Variants in CSRNP3 observed in about 807,000 individuals in gnomAD.
The protein encoded by CSRNP3 is cysteine and serine rich nuclear protein 3, also known as cysteine/serine-rich nuclear protein 3.
CSRNP3 carries 12 observed loss-of-function variants against 48.0 expected under a neutral mutation model. That is an observed-to-expected ratio of 0.25 (90% CI 0.16 to 0.41). CSRNP3 has a LOEUF of 0.41. Ranked by LOEUF, CSRNP3 falls within the 10% of genes least tolerant of loss-of-function variation. CSRNP3 has a pLI of 1.00. For missense variants in CSRNP3, 580 were observed against 724.4 expected (o/e 0.80, Z 2.29); for synonymous variants, 263 against 269.7 (o/e 0.98, Z 0.24).
intron 4 of CSRNP3, among the ~76,000 whole-genome samples, chr2:165,620,380 A>G (rs987258894): frequency 3.9e-5 from 6 of 152,212 alleles, no homozygotes; most frequent in Non-Finnish European, 4.4e-5. Context: ...ACTTAATTAC[A>G]GGTCCAAAGT....
intron 5 of CSRNP3, among the ~76,000 whole-genome samples, chr2:165,674,703 T>C (rs1450806669): frequency 2.1e-5 from 3 of 142,812 alleles, no homozygotes; most frequent in Non-Finnish European, 3.0e-5. Flanking sequence ...TATATATATA[T>C]ATATATATAT....
chr2:165,551,736 A>T (rs974019850), intron 3 of CSRNP3, among the ~76,000 whole-genome samples: 1 of 152,226 alleles, frequency 6.6e-6, no homozygotes, highest in African/African-American at 2.4e-5. Context: ...ATACCGTGAA[A>T]CCTTGGATTA....
At chr2:165,652,287 G>A (rs927908213) in intron 4 of CSRNP3, among the ~76,000 whole-genome samples, 10 of 151,826 alleles carry the variant, frequency 6.6e-5, no homozygotes, top group South Asian at 4.1e-4. Context: ...TGAGGCAGGC[G>A]GATCATGCGG....
chr2:165,607,474 C>T (rs1686050973), intron 4 of CSRNP3, among the ~76,000 whole-genome samples: 1 of 152,128 alleles, frequency 6.6e-6, no homozygotes, highest in African/African-American at 2.4e-5. Context: ...CCCATATCTT[C>T]CCCAGGTGTT....
intron 3 of CSRNP3, among the ~76,000 whole-genome samples, chr2:165,591,890 G>A (rs1558943397): frequency 6.6e-6 from 1 of 152,200 alleles, no homozygotes; most frequent in Non-Finnish European, 1.5e-5. Flanking sequence ...TGGGGTTGGA[G>A]CCCCCACACA....
intron 2 of CSRNP3, among the ~76,000 whole-genome samples, chr2:165,512,846 T>C (rs1574813392): frequency 6.6e-6 from 1 of 152,254 alleles, no homozygotes; most frequent in Non-Finnish European, 1.5e-5. Flanking sequence ...GGCTCACGCC[T>C]GTAATCCCTG....
chr2:165,524,436 A>G (rs1558924736), intron 3 of CSRNP3, among the ~76,000 whole-genome samples: 1 of 152,240 alleles, frequency 6.6e-6, no homozygotes, highest in Non-Finnish European at 1.5e-5. Flanking sequence ...TATTTAAGCA[A>G]TGCAAGAAAG....
chr2:165,582,382 G>C (rs1574847931), intron 3 of CSRNP3, among the ~76,000 whole-genome samples: 1 of 152,172 alleles, frequency 6.6e-6, no homozygotes, highest in African/African-American at 2.4e-5. Flanking sequence ...CCTTAACCTA[G>C]AACCATTCCT....
In CSRNP3 at chr2:165,585,212, G is replaced by GTT. The variant is rs35019068; in HGVS notation, c.-23-9817_-23-9816dup. ...TTATAAAAGTATCATAGCATAATGT[G>GTT]TTTTTTTTTTTTTTTAACTGAGTTC... On this transcript the variant is annotated intron_variant, in intron 3 of 6. Transcript: ENST00000651982. Among the ~76,000 whole-genome samples the GTT allele has an allele frequency of 9.4e-4, 135 of 143,206 alleles. No homozygotes were observed. In the East Asian group the frequency reaches 0.015, roughly 16 times the overall value. The allele number at this position is 143,206 out of a possible 152,430, so 93.9% of individuals were successfully genotyped here. A position where few individuals can be genotyped will look rare whatever the true frequency, so the allele number is the denominator to read the frequency against.
intron 4 of CSRNP3, among the ~76,000 whole-genome samples, chr2:165,600,844 A>C (rs969382103): frequency 6.6e-6 from 1 of 152,210 alleles, no homozygotes; most frequent in Non-Finnish European, 1.5e-5. Context: ...GTGTTTTATA[A>C]GCACTAACAT....
intron 3 of CSRNP3, among the ~76,000 whole-genome samples, chr2:165,529,896 G>A (rs1180445483): frequency 6.6e-6 from 1 of 152,156 alleles, no homozygotes; most frequent in Admixed American, 6.5e-5. Flanking sequence ...AAATTATCTT[G>A]CCTACTAAAC....
chr2:165,609,461 A>AAAAT (rs1686095810), intron 4 of CSRNP3, among the ~76,000 whole-genome samples: 1 of 89,830 alleles, frequency 1.1e-5, no homozygotes, highest in Non-Finnish European at 2.5e-5. Flanking sequence ...TCCGTCTAAA[A>AAAAT]AAAGAAAAAA....
chr2:165,652,356 A>C (rs374064345), intron 4 of CSRNP3, among the ~76,000 whole-genome samples: 1 of 151,508 alleles, frequency 6.6e-6, no homozygotes, highest in African/African-American at 2.4e-5. Context: ...CTAAAATACA[A>C]AGTGTGGTGG....
At chr2:165,619,165 A>G (rs115518620) in intron 4 of CSRNP3, among the ~76,000 whole-genome samples, 56 of 152,336 alleles carry the variant, frequency 3.7e-4, no homozygotes, top group African/African-American at 1.3e-3. Context: ...CAGTTAAACT[A>G]AAGCTAAATT....
chr2:165,545,824 A>G (rs570213342), intron 3 of CSRNP3, among the ~76,000 whole-genome samples: 3 of 152,340 alleles, frequency 2.0e-5, no homozygotes, highest in East Asian at 3.9e-4. Flanking sequence ...AATAATAAAC[A>G]TTGCTGATCT....
intron 4 of CSRNP3, among the ~76,000 whole-genome samples, chr2:165,632,797 A>T (rs1162504850): frequency 6.6e-6 from 1 of 152,194 alleles, no homozygotes; most frequent in Non-Finnish European, 1.5e-5. Context: ...GCTTTGCATT[A>T]TCAAGTTGAG....
At chr2:165,557,615 AC>A (rs1251034220) in intron 3 of CSRNP3, among the ~76,000 whole-genome samples, 1 of 152,174 alleles carries the variant, frequency 6.6e-6, no homozygotes, top group Non-Finnish European at 1.5e-5. Flanking sequence ...TCCCCCCACA[AC>A]CATATATACC....
chr2:165,541,707 A>G (rs1684959869), intron 3 of CSRNP3, among the ~76,000 whole-genome samples: 2 of 152,220 alleles, frequency 1.3e-5, no homozygotes, highest in South Asian at 4.1e-4. Flanking sequence ...CCTCACACCC[A>G]TGATCAGCTC....
intron 4 of CSRNP3, among the ~76,000 whole-genome samples, chr2:165,643,848 T>C (rs941729722): frequency 1.3e-5 from 2 of 152,172 alleles, no homozygotes; most frequent in African/African-American, 4.8e-5. Flanking sequence ...TATTATAAAA[T>C]TTCACAGGAA....
Sources: allele counts gnomAD v4.1 joint callset (sites outside exome capture counted in the v4.1 genomes callset), GRCh38; gene constraint gnomAD v4.1.1; transcripts MANE v1.5; gene names NCBI Gene and HGNC (gene_info 2026-07-23, HGNC 2026-07-21).